Variants in NRXN1 observed in about 807,000 individuals in gnomAD.
NRXN1 encodes the protein neurexin-1.
A neutral mutation model predicts 150.9 loss-of-function variants in NRXN1; 39 were observed. The observed-to-expected ratio is 0.26, with a 90% CI of 0.20 to 0.34. The LOEUF (loss-of-function observed/expected upper bound fraction) is 0.34, where lower values mean the gene tolerates loss of function less well. NRXN1 is among the 10% of genes least tolerant of loss of function. The pLI is 1.00. For missense variants in NRXN1, 1,815 were observed against 1,949.9 expected (o/e 0.93, Z 1.30); for synonymous variants, 924 against 757.0 (o/e 1.22, Z -3.62).
chr2:50,914,913 C>T (rs1454163080), intron 5 of NRXN1, among the ~76,000 whole-genome samples: 1 of 151,508 alleles, frequency 6.6e-6, no homozygotes, highest in Non-Finnish European at 1.5e-5. Context: ...ACCCTTGAGA[C>T]ACATCAGGGC....
intron 17 of NRXN1, among the ~76,000 whole-genome samples, chr2:50,271,272 A>G (rs980531809): frequency 6.6e-6 from 1 of 152,192 alleles, no homozygotes; most frequent in African/African-American, 2.4e-5. Flanking sequence ...ATCATGATTT[A>G]AAGAGGACAG....
At chr2:50,940,249 G>A (rs190130157) in intron 2 of NRXN1, among the ~76,000 whole-genome samples, 32 of 152,002 alleles carry the variant, frequency 2.1e-4, no homozygotes, top group African/African-American at 5.1e-4. Flanking sequence ...AGGCCAAGGC[G>A]GAGGATCATG....
In NRXN1 at chr2:50,894,561, G is replaced by A. The variant is rs1006942291; in HGVS notation, c.832+27308C>T. On this transcript the variant is annotated intron_variant, in intron 5 of 22. Transcript: ENST00000401669. Reference sequence around the variant, plus strand: ...AGAAATAGTTGAAATTATATGGGCAGCACTTTATTGTATAAATTTTCTTTA... The same window carrying A: ...AGAAATAGTTGAAATTATATGGGCAACACTTTATTGTATAAATTTTCTTTA... Among the ~76,000 whole-genome samples the A allele has an allele frequency of 4.6e-5, 7 of 152,060 alleles. No homozygotes were observed. In the East Asian group the frequency reaches 1.4e-3, roughly 29 times the overall value.
intron 12 of NRXN1, among the ~76,000 whole-genome samples, chr2:50,522,711 T>A (rs994344260): frequency 3.6e-5 from 5 of 139,534 alleles, no homozygotes; most frequent in Non-Finnish European, 3.0e-5. Flanking sequence ...TATTCATTTA[T>A]TTTTATTCAT....
At chr2:50,763,425 G>A (rs960168419) in intron 5 of NRXN1, among the ~76,000 whole-genome samples, 4 of 151,914 alleles carry the variant, frequency 2.6e-5, no homozygotes, top group Admixed American at 1.3e-4. Flanking sequence ...GTAAGATAAT[G>A]CATATACAAA....
intron 5 of NRXN1, among the ~76,000 whole-genome samples, chr2:50,878,957 C>A (rs1357396855): frequency 6.6e-6 from 1 of 151,834 alleles, no homozygotes; most frequent in Non-Finnish European, 1.5e-5. Flanking sequence ...TTTTAGAGCA[C>A]CATGATGGGT....
intron 12 of NRXN1, 171 bp from the exon 13 acceptor site, chr2:50,506,788 G>A (rs2105002016): frequency 3.1e-6 from 2 of 652,520 alleles, no homozygotes; most frequent in East Asian, 5.6e-5. Flanking sequence ...AGAAGAGGCG[G>A]GCTGGACCAA....
At chr2:50,694,102 T>C (rs980453317) in intron 5 of NRXN1, among the ~76,000 whole-genome samples, 1 of 152,158 alleles carries the variant, frequency 6.6e-6, no homozygotes, top group African/African-American at 2.4e-5. Flanking sequence ...CCATAGCATT[T>C]TATTTTGAGG....
intron 5 of NRXN1, among the ~76,000 whole-genome samples, chr2:50,701,143 C>G (rs1417870451): frequency 6.6e-6 from 1 of 152,112 alleles, no homozygotes; most frequent in Non-Finnish European, 1.5e-5. Context: ...ATTTATCACA[C>G]CTTGTCTATT....
chr2:50,328,532 C>T (rs1450700978), intron 17 of NRXN1, among the ~76,000 whole-genome samples: 3 of 151,878 alleles, frequency 2.0e-5, no homozygotes, highest in Non-Finnish European at 4.4e-5. Context: ...GTCAGGAGTT[C>T]GAGACCAGCC....
At chr2:50,637,129 A>G (rs962027776) in intron 5 of NRXN1, among the ~76,000 whole-genome samples, 2 of 152,136 alleles carry the variant, frequency 1.3e-5, no homozygotes, top group African/African-American at 2.4e-5. Flanking sequence ...CTTTATTTCA[A>G]TATAATGAAC....
intron 5 of NRXN1, among the ~76,000 whole-genome samples, chr2:50,850,520 C>T (rs1027259747): frequency 1.1e-4 from 16 of 152,222 alleles, no homozygotes; most frequent in African/African-American, 4.8e-5. Context: ...TCCTTCTCAA[C>T]ATCACATTTC....
Position 50,685,503 on chromosome 2 carries a change from G to A in NRXN1, c.833-61888C>T, listed in dbSNP as rs558239235. ...ATCTCCATTGCTAAGGCTTGAAAACGAGTCATCTGTTTCTTTCCAGTCTTT... is the reference window on the plus strand; with the variant it reads ...ATCTCCATTGCTAAGGCTTGAAAACAAGTCATCTGTTTCTTTCCAGTCTTT... On this transcript the variant is annotated intron_variant, in intron 5 of 22. Coordinates refer to ENST00000401669, the MANE Select transcript of NRXN1 (RefSeq NM_001330078.2). Among the ~76,000 whole-genome samples the A allele has an allele frequency of 3.9e-5, 6 of 152,162 alleles. No homozygotes were observed. In the South Asian group the frequency reaches 6.2e-4, roughly 16 times the overall value.
intron 5 of NRXN1, among the ~76,000 whole-genome samples, chr2:50,902,577 C>A (rs1554213573): frequency 6.6e-6 from 1 of 152,100 alleles, no homozygotes; most frequent in Non-Finnish European, 1.5e-5. Flanking sequence ...TATTGAGAAA[C>A]AGTACATCTC....
At chr2:50,006,431 A>C (rs1684781826) in intron 21 of NRXN1, among the ~76,000 whole-genome samples, 2 of 152,126 alleles carry the variant, frequency 1.3e-5, no homozygotes, top group Non-Finnish European at 2.9e-5. Context: ...GACCAAGTCC[A>C]AACTCCTTAG....
At chr2:50,422,452 A>C (rs2084075612) in intron 17 of NRXN1, among the ~76,000 whole-genome samples, 1 of 152,200 alleles carries the variant, frequency 6.6e-6, no homozygotes, top group Non-Finnish European at 1.5e-5. Context: ...ATTATTAGAT[A>C]TATTTTACTC....
intron 22 of NRXN1, among the ~76,000 whole-genome samples, chr2:49,938,223 T>C (rs1671383604): frequency 6.6e-6 from 1 of 152,232 alleles, no homozygotes; most frequent in African/African-American, 2.4e-5. Flanking sequence ...AGCTCTCTCA[T>C]ATTACATGAC....
At chr2:50,476,471 C>A (rs1449167400) in intron 15 of NRXN1, among the ~76,000 whole-genome samples, 1 of 151,794 alleles carries the variant, frequency 6.6e-6, no homozygotes, top group African/African-American at 2.4e-5. Context: ...ATAATGCCTA[C>A]CTTGCAAGGC....
At chr2:50,878,937 G>A (rs1679021933) in intron 5 of NRXN1, among the ~76,000 whole-genome samples, 1 of 151,800 alleles carries the variant, frequency 6.6e-6, no homozygotes, top group Admixed American at 6.6e-5. Context: ...GTAAAGATTT[G>A]TTTTTTGTTT....
Sources: allele counts gnomAD v4.1 joint callset (sites outside exome capture counted in the v4.1 genomes callset), GRCh38; gene constraint gnomAD v4.1.1; transcripts MANE v1.5; gene names NCBI Gene and HGNC (gene_info 2026-07-23, HGNC 2026-07-21).